Variants in PPM1M observed in about 807,000 individuals in gnomAD.
PPM1M encodes the protein protein phosphatase 1M.
Under a neutral mutation model 50.8 loss-of-function variants are expected in PPM1M, and 44 were observed. The ratio of observed to expected loss-of-function variants is 0.87; its 90% confidence interval spans 0.68 to 1.11. PPM1M has a LOEUF of 1.11. Among genes scored for constraint, PPM1M ranks in the 50% most tolerant of loss-of-function variants. The pLI is 0.00. For missense variants in PPM1M, 556 were observed against 593.4 expected (o/e 0.94, Z 0.66); for synonymous variants, 224 against 242.9 (o/e 0.92, Z 0.72).
chr3:52,247,380 C>T lies in PPM1M; in HGVS notation c.597+152C>T, dbSNP rs1247040291. 9 of 1,126,668 alleles carry T rather than the reference C, an allele frequency of 8.0e-6. No homozygotes were observed. The East Asian group carries it at 1.3e-4, about 16-fold the overall frequency. 69.8% of individuals were successfully genotyped at this position (1,126,668 alleles called of 1,614,324 possible). A position where few individuals can be genotyped will look rare whatever the true frequency, so the allele number is the denominator to read the frequency against. The stretch of plus-strand genomic sequence containing the variant: ...GTTGGATTGTTACTAACAGCCATCA[C>T]TATCAGCATAACCCCTCTCATTTAT... On this transcript the variant is annotated intron_variant, in intron 3 of 9. Coordinates refer to ENST00000323588, the MANE Select transcript of PPM1M (RefSeq NM_144641.4).
chr3:52,249,937 T>A lies in PPM1M; in HGVS notation c.*123T>A. 1.2e-6 allele frequency: 1 copy of A among 838,006 alleles called. No individual in the cohort carries two copies. Among genetic ancestry groups the A allele is most frequent in the Non-Finnish European group, 1.9e-6 (1 of 529,770 alleles). The allele number at this position is 838,006 out of a possible 1,614,324, so 51.9% of individuals were successfully genotyped here. On this transcript the variant is annotated 3_prime_UTR_variant, in exon 10 of 10. Coordinates refer to ENST00000323588, the MANE Select transcript of PPM1M (RefSeq NM_144641.4). Reference sequence around the variant, plus strand: ...TAGCCACCGCCCAGTGCTCTCACTATCCACCTCAACACACATCCATCTCAA... The same window carrying A: ...TAGCCACCGCCCAGTGCTCTCACTAACCACCTCAACACACATCCATCTCAA...
intron 7 of PPM1M, 36 bp downstream of exon 7, chr3:52,248,736 T>A: frequency 6.2e-7 from 1 of 1,602,560 alleles, no homozygotes; most frequent in Non-Finnish European, 8.6e-7. Context: ...CAAGAATCCC[T>A]CTTCATTGTC....
At chr3:52,247,817 G>A (rs138701917) in intron 4 of PPM1M, 23 bp downstream of exon 4, 90 of 1,277,742 alleles carry the variant, frequency 7.0e-5, no homozygotes, top group South Asian at 4.9e-4. Flanking sequence ...TTGGAGGGTG[G>A]GCAAGGGTGG....
chr3:52,246,014 G>C lies in PPM1M; in HGVS notation c.190G>C (p.Gly64Arg). ...CCGGCCCGTGCGCAGCCCCGCACGAGGACGCACGCTACCCTGGAATGCAGG... is the reference window on the plus strand; with the variant it reads ...CCGGCCCGTGCGCAGCCCCGCACGACGACGCACGCTACCCTGGAATGCAGG... ...DSRPVRSPAR[G>R]RTLPWNAGYA... is the part of the protein sequence containing the mutation. Residue 64 changes from glycine (G) to arginine (R), a missense_variant, in exon 1 of 10, where the codon GGA becomes CGA. Transcript: ENST00000323588. 8.1e-7 allele frequency: 1 copy of C among 1,228,918 alleles called. No homozygotes were observed. The highest frequency in any genetic ancestry group is 1.0e-6 in the Non-Finnish European group (1 of 960,046). 76.1% of individuals were successfully genotyped at this position (1,228,918 alleles called of 1,614,324 possible).
At chr3:52,247,957 G>A (rs1247497397) in intron 4 of PPM1M, among the ~76,000 whole-genome samples, 163 bp downstream of exon 4, 1 of 152,222 alleles carries the variant, frequency 6.6e-6, no homozygotes, top group Non-Finnish European at 1.5e-5. Flanking sequence ...GGCTGCCGGG[G>A]AGGGCAGGGA....
rs185294729 is a variant in PPM1M at position 52,249,617 on chromosome 3, G to T, written c.1236-53G>T. On this transcript the variant is annotated intron_variant, in intron 9 of 9. Coordinates refer to ENST00000323588, the MANE Select transcript of PPM1M (RefSeq NM_144641.4). ...GTGCAGTGAGTTCTCCTAAGGTCTG[G>T]CCTTGCCCCTTTGCTCTGCCCCTGA... 1.9e-4 allele frequency: 307 copies of T among 1,608,302 alleles called. 2 individuals are homozygous for T. In the Admixed American group the frequency reaches 5.1e-3, roughly 26 times the overall value.
At position 52,249,341 on chromosome 3, in the gene PPM1M, A is replaced by G; in HGVS notation, c.1235+19A>G. ...CACACAGGTACTGTAGCTGCTGGGGACCTGCCTGGGCCTGGGTTGGTGCCA... is the reference window on the plus strand; with the variant it reads ...CACACAGGTACTGTAGCTGCTGGGGGCCTGCCTGGGCCTGGGTTGGTGCCA... On this transcript the variant is annotated intron_variant, in intron 9 of 9. Transcript: ENST00000323588. The G allele has an allele frequency of 1.3e-6, 2 of 1,579,582 alleles. No homozygotes were observed. The highest frequency in any genetic ancestry group is 1.7e-6 in the Non-Finnish European group (2 of 1,162,646).
At position 52,248,469 on chromosome 3, in the gene PPM1M, G is replaced by C; in HGVS notation, c.914+16G>C. On this transcript the variant is annotated intron_variant, in intron 6 of 9. Coordinates refer to ENST00000323588, the MANE Select transcript of PPM1M (RefSeq NM_144641.4). ...TGAGTGGCTGGTGAGTGGGGATGGGGGACAGGTAGGAAGGGAGACCCCTGG... is the reference window on the plus strand; with the variant it reads ...TGAGTGGCTGGTGAGTGGGGATGGGCGACAGGTAGGAAGGGAGACCCCTGG... 1.2e-6 allele frequency: 2 copies of C among 1,607,998 alleles called. No individual in the cohort carries two copies. Among genetic ancestry groups the C allele is most frequent in the Non-Finnish European group, 1.7e-6 (2 of 1,174,990 alleles).
Position 52,247,773 on chromosome 3 carries a change from T to C in PPM1M, c.689T>C (p.Met230Thr). 7.3e-7 allele frequency: 1 copy of C among 1,373,146 alleles called. No homozygotes were observed. Among genetic ancestry groups the C allele is most frequent in the Non-Finnish European group, 9.7e-7 (1 of 1,029,092 alleles). The allele number at this position is 1,373,146 out of a possible 1,614,324, so 85.1% of individuals were successfully genotyped here. ...VAVSLQGKLY[M>T]ANAGDSRAIL... Reference sequence around the variant, plus strand: ...GTGTCCCTGCAGGGAAAGCTGTACATGGCCAATGCTGGGGATAGCAGGTGA... The same window carrying C: ...GTGTCCCTGCAGGGAAAGCTGTACACGGCCAATGCTGGGGATAGCAGGTGA... The change falls in exon 4 of 10, where the codon ATG (methionine) becomes ACG (threonine). Residue 230 changes from methionine (M) to threonine (T), a missense_variant. Coordinates refer to ENST00000323588, the MANE Select transcript of PPM1M (RefSeq NM_144641.4).
chr3:52,245,918 C>A lies in PPM1M; in HGVS notation c.94C>A (p.Arg32=), dbSNP rs1462959619. The A allele has an allele frequency of 4.9e-6, 6 of 1,232,700 alleles. No individual in the cohort carries two copies. Among genetic ancestry groups the A allele is most frequent in the Admixed American group, 2.7e-5 (1 of 36,446 alleles). 76.4% of individuals were successfully genotyped at this position (1,232,700 alleles called of 1,614,324 possible). Residue 32 remains arginine, a synonymous_variant, in exon 1 of 10, where the codon CGA becomes AGA. Coordinates refer to ENST00000323588, the MANE Select transcript of PPM1M (RefSeq NM_144641.4). This position sits in a 1 kb window ranked among gnomAD's most constrained non-coding sequence, Gnocchi z 4.8. ...GCCGCATGCCAGCCCCGTGCCCTAC[C>A]GACGGCCCCGCTTCCTTCGCGGCTC... The part of the protein sequence containing the change: ...PGPHASPVPY[R]RPRFLRGSSS...
chr3:52,249,827 T>C lies in PPM1M; in HGVS notation c.*13T>C, dbSNP rs1456706786. On this transcript the variant is annotated 3_prime_UTR_variant, in exon 10 of 10. Transcript: ENST00000323588. ...CAGTGACCACTGAGGATTCAGACACTGTATCCCAGAACTGCTCTAGTGCCC... is the reference window on the plus strand; with the variant it reads ...CAGTGACCACTGAGGATTCAGACACCGTATCCCAGAACTGCTCTAGTGCCC... The C allele has an allele frequency of 1.2e-6, 2 of 1,605,840 alleles. No homozygotes were observed. The highest frequency in any genetic ancestry group is 8.5e-7 in the Non-Finnish European group (1 of 1,177,486).
At chr3:52,247,289 A>G in intron 3 of PPM1M, 61 bp downstream of exon 3, 1 of 1,537,506 alleles carries the variant, frequency 6.5e-7, no homozygotes, top group Non-Finnish European at 8.8e-7. Flanking sequence ...ATCTCAGGAA[A>G]TGGCATCTCT....
chr3:52,248,485 A>C, intron 6 of PPM1M, 32 bp downstream of exon 6: 1 of 1,602,340 alleles, frequency 6.2e-7, no homozygotes, highest in South Asian at 1.1e-5. Flanking sequence ...GTAGGAAGGG[A>C]GACCCCTGGG....
In PPM1M at chr3:52,248,987, G is replaced by A. The variant is rs1404238810; in HGVS notation, c.1010G>A (p.Arg337Gln). Reference protein sequence around the residue: ...ARLLGTLAVSRGLGDHQLRVL... With the variant: ...ARLLGTLAVSQGLGDHQLRVL... ...TTACTAGGAACACTGGCTGTCTCCC[G>A]GGGCCTGGGAGACCATCAGCTCAGA... The change falls in exon 8 of 10, where the codon CGG (arginine) becomes CAG (glutamine). Residue 337 changes from arginine to glutamine, a missense_variant. Arg to Gln is a conservative substitution (Grantham distance 43). Coordinates refer to ENST00000323588, the MANE Select transcript of PPM1M (RefSeq NM_144641.4). The A allele has an allele frequency of 5.0e-6, 8 of 1,609,560 alleles. No individual in the cohort carries two copies. The highest frequency in any genetic ancestry group is 1.7e-5 in the Admixed American group (1 of 59,400).
chr3:52,247,377 T>G, intron 3 of PPM1M, 149 bp downstream of exon 3: 1 of 1,157,716 alleles, frequency 8.6e-7, no homozygotes, highest in Non-Finnish European at 1.2e-6. Flanking sequence ...CTAACAGCCA[T>G]CACTATCAGC....
chr3:52,248,904 T>C, intron 7 of PPM1M, 52 bp from the exon 8 acceptor site: 1 of 1,426,752 alleles, frequency 7.0e-7, no homozygotes, highest in Non-Finnish European at 9.8e-7. Flanking sequence ...GCCTGGTACT[T>C]GTGCATTTGC....
intron 1 of PPM1M, chr3:52,246,402 G>A: frequency 9.2e-7 from 1 of 1,090,968 alleles, no homozygotes; most frequent in Non-Finnish European, 1.2e-6. Flanking sequence ...CGCTGTATGG[G>A]ACAGGGCTTT....
At chr3:52,249,096 A>T in intron 8 of PPM1M, 33 bp downstream of exon 8, 1 of 1,608,208 alleles carries the variant, frequency 6.2e-7, no homozygotes, top group Non-Finnish European at 8.5e-7. Flanking sequence ...CCCAGCTTCC[A>T]TCTGCCCAGA....
intron 1 of PPM1M, chr3:52,246,263 G>A (rs1034572643): frequency 3.9e-6 from 4 of 1,028,186 alleles, no homozygotes; most frequent in Non-Finnish European, 3.5e-6. Flanking sequence ...AAGACAGGAG[G>A]TCGGGAAGGA....
Sources: allele counts gnomAD v4.1 joint callset (sites outside exome capture counted in the v4.1 genomes callset), GRCh38; gene constraint gnomAD v4.1.1; non-coding constraint Gnocchi (gnomAD v3.1); transcripts MANE v1.5; gene names NCBI Gene and HGNC (gene_info 2026-07-23, HGNC 2026-07-21).